The following SUCO variants were observed in gnomAD, a reference collection of about 807,000 sequenced individuals.
SUCO encodes SUN domain-containing ossification factor.
A neutral mutation model predicts 148.1 loss-of-function variants in SUCO; 57 were observed. That is an observed-to-expected ratio of 0.38 (90% CI 0.31 to 0.48). SUCO has a LOEUF of 0.48. Ranked by LOEUF, SUCO falls within the 20% of genes least tolerant of loss-of-function variation. The probability of loss-of-function intolerance (pLI) is 0.96; values close to 1 mark genes in which losing one functional copy is unlikely to be tolerated. For missense variants in SUCO, 1,331 were observed against 1,468.2 expected, an observed-to-expected ratio of 0.91 and a Z score of 1.53; for synonymous variants, 470 against 502.7, an observed-to-expected ratio of 0.93 and a Z score of 0.87.
chr1:172,588,214 A>C (rs1268843191), intron 17 of SUCO: 2 of 985,156 alleles, frequency 2.0e-6, no homozygotes, highest in Non-Finnish European at 2.4e-6. Flanking sequence ...GAGTTCCTCA[A>C]ATCATTCTTA....
intron 4 of SUCO, chr1:172,557,004 G>A: frequency 1.0e-6 from 1 of 978,392 alleles, no homozygotes; most frequent in Non-Finnish European, 1.2e-6. Flanking sequence ...AATTAGTATA[G>A]TAATGATGGA....
At position 172,589,103 on chromosome 1, in the gene SUCO, C is replaced by A; in HGVS notation, c.2002C>A (p.Leu668Ile). Residue 668 changes from leucine to isoleucine, a missense_variant, in exon 18 of 24, where the codon CTT (leucine) becomes ATT (isoleucine). Coordinates refer to ENST00000263688, the MANE Select transcript of SUCO (RefSeq NM_014283.5). ...TGTGTTAGCTCAACCACCCTTACTACTTCCTGCGGAATCAGTAGATGTTTC... is the reference window on the plus strand; with the variant it reads ...TGTGTTAGCTCAACCACCCTTACTAATTCCTGCGGAATCAGTAGATGTTTC... ...YLVLAQPPLL[L>I]PAESVDVSVL... is the part of the protein sequence containing the mutation. 6.2e-7 allele frequency: 1 copy of A among 1,613,430 alleles called. No homozygotes were observed. The highest frequency in any genetic ancestry group is 8.5e-7 in the Non-Finnish European group (1 of 1,179,626).
chr1:172,588,386 T>G (rs1656384448), intron 17 of SUCO: 1 of 985,124 alleles, frequency 1.0e-6, no homozygotes. Flanking sequence ...ATTTCTGATG[T>G]GTAAGGGATA....
chr1:172,572,605 T>C (rs1655116190), intron 9 of SUCO, among the ~76,000 whole-genome samples: 1 of 150,366 alleles, frequency 6.7e-6, no homozygotes, highest in African/African-American at 2.5e-5. Flanking sequence ...CAGAGACCTT[T>C]GTTCATTTGT....
At chr1:172,596,476 C>G (rs1045943367) in intron 19 of SUCO, among the ~76,000 whole-genome samples, 1 of 152,182 alleles carries the variant, frequency 6.6e-6, no homozygotes, top group African/African-American at 2.4e-5. Context: ...GTGGAATGTC[C>G]TTCCTGTTTG....
intron 20 of SUCO, 97 bp from the exon 21 acceptor site, chr1:172,601,967 A>C: frequency 8.0e-7 from 1 of 1,255,870 alleles, no homozygotes; most frequent in Non-Finnish European, 1.1e-6. Flanking sequence ...ACATTAAAAA[A>C]ATACTTAAAA....
In SUCO at chr1:172,533,269, G is replaced by C; in HGVS notation, c.-167G>C. ...GCGCCTCTGTGGGGCCCTCAGAGAG[G>C]GCTGCCAGGACGCGAGCCACTGAGG... On this transcript the variant is annotated 5_prime_UTR_variant, in exon 1 of 24. Coordinates refer to ENST00000263688, the MANE Select transcript of SUCO (RefSeq NM_014283.5). The C allele has an allele frequency of 6.5e-7, 1 of 1,549,456 alleles. No homozygotes were observed. Among genetic ancestry groups the C allele is most frequent in the Non-Finnish European group, 8.7e-7 (1 of 1,146,922 alleles).
At chr1:172,576,683 GA>G (rs1655464422) in intron 11 of SUCO, among the ~76,000 whole-genome samples, 1 of 151,512 alleles carries the variant, frequency 6.6e-6, no homozygotes, top group African/African-American at 2.4e-5. Context: ...TATTTTATTG[GA>G]AACATAAAGA....
At chr1:172,602,460 G>T (rs1424296809) in intron 21 of SUCO, 1 of 981,650 alleles carries the variant, frequency 1.0e-6, no homozygotes, top group African/African-American at 1.8e-5. Context: ...ATTTGGTTGA[G>T]AAAGATGCTT....
chr1:172,578,344 T>G lies in SUCO; in HGVS notation c.1387T>G (p.Ser463Ala), dbSNP rs759980479. 1.4e-5 allele frequency: 22 copies of G among 1,612,660 alleles called. No individual in the cohort carries two copies. In the East Asian group the frequency reaches 4.7e-4, roughly 34 times the overall value. Residue 463 changes from serine (S) to alanine (A), a missense_variant, in exon 14 of 24, where the codon TCC becomes GCC. Physicochemically the swap from Ser to Ala is moderately conservative, Grantham distance 99. Coordinates refer to ENST00000263688, the MANE Select transcript of SUCO (RefSeq NM_014283.5). ...MVEEYEEIAD[S>A]QYHSERQELF... ...GGAAGAATATGAAGAAATTGCTGAT[T>G]CCCAGTATCACTCAGAACGCCAGGA...
At position 172,555,955 on chromosome 1, in the gene SUCO, G is replaced by A. The variant is rs747497566; in HGVS notation, c.375G>A (p.Val125=). Residue 125 remains valine (V), a synonymous_variant, in exon 4 of 24, where the codon GTG becomes GTA. Transcript: ENST00000263688. ...ATGAAGAGTCTTCCAATGCAGTTGTGGACAGTGAAACTGTTGAAAATATTT... is the reference window on the plus strand; with the variant it reads ...ATGAAGAGTCTTCCAATGCAGTTGTAGACAGTGAAACTGTTGAAAATATTT... The part of the protein sequence containing the change: ...DLHEESSNAV[V]DSETVENISS... The A allele has an allele frequency of 6.2e-7, 1 of 1,613,278 alleles. No homozygotes were observed. The highest frequency in any genetic ancestry group is 1.1e-5 in the South Asian group (1 of 91,020).
intron 8 of SUCO, 38 bp from the exon 9 acceptor site, chr1:172,570,625 C>A: frequency 7.6e-7 from 1 of 1,313,980 alleles, no homozygotes; most frequent in Non-Finnish European, 1.1e-6. Context: ...CTTCATTATT[C>A]CTTAAGTAAT....
intron 1 of SUCO, among the ~76,000 whole-genome samples, chr1:172,542,418 C>T (rs1652539379): frequency 1.3e-5 from 2 of 151,986 alleles, no homozygotes; most frequent in South Asian, 2.1e-4. Flanking sequence ...GAGTTATCCT[C>T]GTAAAGCAGA....
Position 172,557,336 on chromosome 1 carries a change from C to A in SUCO, c.500C>A (p.Ser167Tyr). ...GCCAAACCAAGTGAAACTGAGCAGT[C>A]TGAAACTGATTGTGATGTTGGTGAG... Reference protein sequence around the residue: ...PIAKPSETEQSETDCDVGEAL... With the variant: ...PIAKPSETEQYETDCDVGEAL... Residue 167 changes from serine (S) to tyrosine (Y), a missense_variant, in exon 5 of 24, where the codon TCT becomes TAT. Around this residue, in one of 3 missense-constraint regions of SUCO, gnomAD observed 992 missense variants for 1,093.5 expected, o/e 0.91. Coordinates refer to ENST00000263688, the MANE Select transcript of SUCO (RefSeq NM_014283.5). 1 of 1,614,004 alleles carries A rather than the reference C, an allele frequency of 6.2e-7. No homozygotes were observed. The highest frequency in any genetic ancestry group is 8.5e-7 in the Non-Finnish European group (1 of 1,179,908).
In SUCO at chr1:172,609,940, A is replaced by G. The variant is rs769591263; in HGVS notation, c.3446A>G (p.Asn1149Ser). The G allele has an allele frequency of 6.2e-7, 1 of 1,613,962 alleles. No homozygotes were observed. Among genetic ancestry groups the G allele is most frequent in the South Asian group, 1.1e-5 (1 of 91,080 alleles). The change falls in exon 24 of 24, where the codon AAT becomes AGT. Residue 1149 changes from asparagine (N) to serine (S), a missense_variant. Transcript: ENST00000263688. The part of the protein sequence containing the change: ...KPFTNQRDFS[N>S]MGEVYHSSYK... ...TTTACGAACCAGAGAGATTTTTCTAATATGGGAGAAGTTTATCACTCTTCT... is the reference window on the plus strand; with the variant it reads ...TTTACGAACCAGAGAGATTTTTCTAGTATGGGAGAAGTTTATCACTCTTCT...
At position 172,610,174 on chromosome 1, in the gene SUCO, T is replaced by G; in HGVS notation, c.3680T>G (p.Leu1227Trp). The G allele has an allele frequency of 6.2e-7, 1 of 1,613,462 alleles. No homozygotes were observed. The highest frequency in any genetic ancestry group is 8.5e-7 in the Non-Finnish European group (1 of 1,179,788). ...KTLIQTKSGS[L>W]PSLHDIIKGN... Reference sequence around the variant, plus strand: ...CTAATACAGACTAAGTCGGGATCATTGCCGAGCCTGCATGACATAATCAAA... The same window carrying G: ...CTAATACAGACTAAGTCGGGATCATGGCCGAGCCTGCATGACATAATCAAA... The change falls in exon 24 of 24, where the codon TTG (leucine) becomes TGG (tryptophan). Residue 1227 changes from leucine to tryptophan, a missense_variant. Leu to Trp is a moderately conservative substitution (Grantham distance 61, BLOSUM62 -2). Around this residue, in one of 3 missense-constraint regions of SUCO, gnomAD observed 334 missense variants for 352.3 expected, o/e 0.95. Transcript: ENST00000263688.
At chr1:172,574,409 T>C (rs1655273037) in intron 10 of SUCO, among the ~76,000 whole-genome samples, 1 of 152,022 alleles carries the variant, frequency 6.6e-6, no homozygotes, top group Admixed American at 6.5e-5. Context: ...TGTAGGTGCT[T>C]TATGAGGTAT....
chr1:172,596,138 T>C (rs950369436), intron 19 of SUCO, among the ~76,000 whole-genome samples: 1 of 152,224 alleles, frequency 6.6e-6, no homozygotes, highest in African/African-American at 2.4e-5. Context: ...TCAGATCAAT[T>C]AAGGTATTCT....
At chr1:172,550,854 AT>A in intron 1 of SUCO, 1 of 968,456 alleles carries the variant, frequency 1.0e-6, no homozygotes, top group Non-Finnish European at 1.2e-6. Context: ...TTTCCTTGAT[AT>A]TTTTGCATAG....
Sources: gnomAD v4.1 joint callset for allele counts (sites outside exome capture counted in the v4.1 genomes callset) on GRCh38, gnomAD v4.1.1 for gene constraint, gnomAD v4.1.1 regional missense constraint, MANE v1.5 for transcripts, NCBI Gene and HGNC (gene_info 2026-07-23, HGNC 2026-07-21) for gene names.